IRF2: variants seen among roughly 807,000 people sequenced by gnomAD.
IRF2 encodes interferon regulatory factor 2.
Under a neutral mutation model 40.6 loss-of-function variants are expected in IRF2, and 15 were observed. The ratio of observed to expected loss-of-function variants is 0.37; its 90% CI spans 0.25 to 0.57. IRF2 has a LOEUF of 0.57. Ranked by LOEUF, IRF2 falls within the 20% of genes least tolerant of loss-of-function variation. IRF2 has a pLI of 0.77. For synonymous variants in IRF2, 151 were observed against 165.5 expected, an observed-to-expected ratio of 0.91 and a Z score of 0.67; for missense variants, 317 against 455.7, an observed-to-expected ratio of 0.70 and a Z score of 2.77.
chr4:184,390,350 G>A (rs1017394277), intron 8 of IRF2, among the ~76,000 whole-genome samples: 3 of 152,220 alleles, frequency 2.0e-5, no homozygotes, highest in African/African-American at 7.2e-5. Flanking sequence ...ACTGGTCACT[G>A]CTTTTGGCTG....
intron 7 of IRF2, among the ~76,000 whole-genome samples, chr4:184,395,551 C>T (rs991317268): frequency 2.2e-4 from 34 of 152,088 alleles, no homozygotes; most frequent in African/African-American, 6.7e-4. Context: ...GGTGAATACA[C>T]GCAGAAAGCT....
At chr4:184,396,282 T>C (rs1042392052) in intron 7 of IRF2, among the ~76,000 whole-genome samples, 2 of 152,182 alleles carry the variant, frequency 1.3e-5, no homozygotes, top group African/African-American at 4.8e-5. Flanking sequence ...GCAGAGCCCG[T>C]GCGCTGTCCA....
chr4:184,453,890 AGAG>A (rs1738819771), intron 1 of IRF2, among the ~76,000 whole-genome samples: 1 of 152,172 alleles, frequency 6.6e-6, no homozygotes. Flanking sequence ...GGGACAAGAG[AGAG>A]GAGATGTCAA....
At chr4:184,390,036 A>T (rs1003922895) in intron 8 of IRF2, among the ~76,000 whole-genome samples, 2 of 152,162 alleles carry the variant, frequency 1.3e-5, no homozygotes, top group African/African-American at 4.8e-5. Flanking sequence ...ACTTTTTCTC[A>T]AAGTGTTTAG....
In IRF2 at chr4:184,441,307, G is replaced by T. The variant is rs569739173; in HGVS notation, c.-6-12237C>A. Among the ~76,000 whole-genome samples the T allele has an allele frequency of 1.1e-4, 16 of 152,304 alleles. No homozygotes were observed. The East Asian group carries it at 3.1e-3, about 29-fold the overall frequency. ...ATTTATCAGGGCAGTCAACAAGGTG[G>T]CTCCTGAATACCTGAAATGTGGCTA... On this transcript the variant is annotated intron_variant, in intron 1 of 8. Coordinates refer to ENST00000393593, the MANE Select transcript of IRF2 (RefSeq NM_002199.4).
chr4:184,421,681 T>C (rs1413670135), intron 2 of IRF2, among the ~76,000 whole-genome samples: 1 of 152,074 alleles, frequency 6.6e-6, no homozygotes, highest in Non-Finnish European at 1.5e-5. Flanking sequence ...ACAAAATTGA[T>C]ACAGATAAAG....
intron 1 of IRF2, among the ~76,000 whole-genome samples, chr4:184,458,925 G>A (rs1334176119): frequency 2.0e-5 from 3 of 151,956 alleles, no homozygotes; most frequent in African/African-American, 7.3e-5. Flanking sequence ...ATACACAAAT[G>A]CTTTTATCCA....
At chr4:184,465,920 G>A (rs538383276) in intron 1 of IRF2, among the ~76,000 whole-genome samples, 2 of 152,228 alleles carry the variant, frequency 1.3e-5, no homozygotes, top group Admixed American at 1.3e-4. Flanking sequence ...TAGCACCAAG[G>A]TAAATTCCAG....
rs894537330 is a variant in IRF2 at position 184,456,091 on chromosome 4, C to T, written c.-7+18288G>A. On this transcript the variant is annotated intron_variant, in intron 1 of 8. Transcript: ENST00000393593. ...CCGGAGTGGGTGCCTGCCCTGCGGC[C>T]GCACACCCACCATCACTGATCACAC... Among the ~76,000 whole-genome samples, 18 of 152,306 alleles carry T rather than the reference C, an allele frequency of 1.2e-4. No individual in the cohort carries two copies. The East Asian group carries it at 1.5e-3, about 13-fold the overall frequency.
chr4:184,411,883 T>A (rs1445044111), intron 5 of IRF2, among the ~76,000 whole-genome samples: 3 of 151,820 alleles, frequency 2.0e-5, no homozygotes, highest in Admixed American at 2.0e-4. Context: ...GCCCGGTTAA[T>A]CCTGGTCAGG....
chr4:184,440,360 T>C (rs1738258162), intron 1 of IRF2, among the ~76,000 whole-genome samples: 1 of 152,236 alleles, frequency 6.6e-6, no homozygotes, highest in African/African-American at 2.4e-5. Flanking sequence ...CGGAGGCCTA[T>C]ACTTACTGCG....
rs111483882 is a variant in IRF2 at position 184,401,169 on chromosome 4, C to T, written c.530-2090G>A. Among the ~76,000 whole-genome samples, 422 of 152,350 alleles carry T rather than the reference C, an allele frequency of 2.8e-3. 1 individual carries two copies. The highest frequency in any genetic ancestry group is 0.01 in the Middle Eastern group (3 of 294). On this transcript the variant is annotated intron_variant, in intron 6 of 8. Coordinates refer to ENST00000393593, the MANE Select transcript of IRF2 (RefSeq NM_002199.4). ...AGAACGCATTCCAGTCTCCTTGAGA[C>T]GCCAGGCGTCATGGAGAGGCTCGTT... is the stretch of plus-strand genomic sequence containing the variant.
chr4:184,428,869 A>G lies in IRF2; in HGVS notation c.87+109T>C, dbSNP rs905002367. ...CATTTTGGGTTGGCTGGTTTTTGTCATGAATAAGCCTAAGATTTTGAATAC... is the reference window on the plus strand; with the variant it reads ...CATTTTGGGTTGGCTGGTTTTTGTCGTGAATAAGCCTAAGATTTTGAATAC... On this transcript the variant is annotated intron_variant, in intron 2 of 8. Coordinates refer to ENST00000393593, the MANE Select transcript of IRF2 (RefSeq NM_002199.4). 42 of 900,340 alleles carry G rather than the reference A, an allele frequency of 4.7e-5. No homozygotes were observed. The African/African-American group carries it at 6.6e-4, about 14-fold the overall frequency. The allele number at this position is 900,340 out of a possible 1,614,324, so 55.8% of individuals were successfully genotyped here.
chr4:184,445,730 T>C (rs2149910893), intron 1 of IRF2, among the ~76,000 whole-genome samples: 1 of 152,074 alleles, frequency 6.6e-6, no homozygotes. Flanking sequence ...TGAGTTTCCT[T>C]CTTCCCTTCC....
At chr4:184,394,790 A>T (rs1444223671) in intron 7 of IRF2, among the ~76,000 whole-genome samples, 1 of 152,180 alleles carries the variant, frequency 6.6e-6, no homozygotes, top group Non-Finnish European at 1.5e-5. Flanking sequence ...GATGCCACAG[A>T]TCAGGCAAGG....
chr4:184,390,275 GGTCACAGCGGGAGGGAACCCAC>G, intron 8 of IRF2, among the ~76,000 whole-genome samples: 1 of 152,210 alleles, frequency 6.6e-6, no homozygotes, highest in Non-Finnish European at 1.5e-5. Flanking sequence ...TCTGGGCACG[GGTCACAGCGGGAGGGAACCCAC>G]GCACACGTGG....
chr4:184,473,769 C>T (rs1383725750), intron 1 of IRF2, among the ~76,000 whole-genome samples: 4 of 148,708 alleles, frequency 2.7e-5, no homozygotes, highest in Non-Finnish European at 5.9e-5. Flanking sequence ...TGGCTGGAGG[C>T]GCTCCTCCCG....
chr4:184,446,264 T>C (rs1378416678), intron 1 of IRF2, among the ~76,000 whole-genome samples: 3 of 152,206 alleles, frequency 2.0e-5, no homozygotes, highest in Non-Finnish European at 4.4e-5. Context: ...AGGAAACTAA[T>C]AGAGTAGACA....
rs72705825 is a variant in IRF2 at position 184,467,669 on chromosome 4, T to C, written c.-7+6710A>G. ...GCGTATTCTGTCTACAGAGTACTTC[T>C]TTGGATCTTCCCAAAATCTGACATT... On this transcript the variant is annotated intron_variant, in intron 1 of 8. Transcript: ENST00000393593. Among the ~76,000 whole-genome samples the C allele has an allele frequency of 2.2e-3, 338 of 152,366 alleles. 1 individual carries two copies. Among genetic ancestry groups the C allele is most frequent in the Non-Finnish European group, 3.6e-3 (247 of 68,040 alleles).
Sources: allele counts gnomAD v4.1 joint callset (sites outside exome capture counted in the v4.1 genomes callset), GRCh38; gene constraint gnomAD v4.1.1; transcripts MANE v1.5; gene names NCBI Gene and HGNC (gene_info 2026-07-23, HGNC 2026-07-21).